RXFP1: variants seen among roughly 807,000 people sequenced by gnomAD.
The protein encoded by RXFP1 is relaxin receptor 1.
Under a neutral mutation model 89.8 loss-of-function variants are expected in RXFP1, and 73 were observed. The ratio of observed to expected loss-of-function variants is 0.81; its 90% CI spans 0.67 to 0.99. RXFP1 has a LOEUF of 0.99. RXFP1 is among the 50% of genes least tolerant of loss of function. RXFP1 has a pLI of 0.00. For missense variants in RXFP1, 793 were observed against 895.5 expected, an observed-to-expected ratio of 0.89 and a Z score of 1.46; for synonymous variants, 277 against 305.5, an observed-to-expected ratio of 0.91 and a Z score of 0.97.
intron 2 of RXFP1, among the ~76,000 whole-genome samples, chr4:158,591,091 C>T (rs1435306221): frequency 5.9e-5 from 9 of 152,104 alleles, no homozygotes; most frequent in Admixed American, 1.3e-4. Flanking sequence ...CACAAGAGTG[C>T]GTCCAATTGG....
chr4:158,590,128 T>C (rs1414983551), intron 2 of RXFP1, among the ~76,000 whole-genome samples: 2 of 152,030 alleles, frequency 1.3e-5, no homozygotes, highest in African/African-American at 2.4e-5. Flanking sequence ...TAGGATCAGA[T>C]TCTATATAAT....
intron 1 of RXFP1, among the ~76,000 whole-genome samples, chr4:158,566,829 C>T (rs1005774328): frequency 3.9e-5 from 6 of 152,240 alleles, no homozygotes; most frequent in South Asian, 2.1e-4. Context: ...CTCGCCTTGG[C>T]GCCCATTCTG....
At chr4:158,610,616 A>C (rs1352968389) in intron 6 of RXFP1, 3 of 1,185,562 alleles carry the variant, frequency 2.5e-6, no homozygotes, top group Non-Finnish European at 2.2e-6. Flanking sequence ...GTTCACTGAA[A>C]GGAGTGATTA....
At chr4:158,592,299 C>T (rs781301982) in intron 2 of RXFP1, among the ~76,000 whole-genome samples, 3 of 152,214 alleles carry the variant, frequency 2.0e-5, no homozygotes, top group Non-Finnish European at 4.4e-5. Flanking sequence ...ATCGGCCAGG[C>T]ATGGTGGCTT....
chr4:158,562,244 TA>T (rs1752601162), intron 1 of RXFP1, among the ~76,000 whole-genome samples: 1 of 152,128 alleles, frequency 6.6e-6, no homozygotes, highest in African/African-American at 2.4e-5. Context: ...CTCTATATTC[TA>T]AAATTTATCA....
At chr4:158,600,660 C>T (rs939797093) in intron 4 of RXFP1, among the ~76,000 whole-genome samples, 1 of 151,718 alleles carries the variant, frequency 6.6e-6, no homozygotes, top group Non-Finnish European at 1.5e-5. Flanking sequence ...GAGCCCATCA[C>T]TACAAAAAAA....
intron 6 of RXFP1, among the ~76,000 whole-genome samples, chr4:158,609,440 A>T (rs1296258768): frequency 1.3e-4 from 20 of 152,196 alleles, no homozygotes; most frequent in Admixed American, 1.3e-3. Flanking sequence ...GTTCCGTTTT[A>T]TTGAGTTCTG....
rs188981205 is a variant in RXFP1, at chr4:158,527,358, C to T, written c.49+5333C>T. On this transcript the variant is annotated intron_variant, in intron 1 of 17. Transcript: ENST00000307765. ...AGGAGTTCAAGACCAGCCTGGCCAA[C>T]ATGGCGAAACCCCGTCTCTACTAAA... 1.7e-3 allele frequency among the ~76,000 whole-genome samples: 260 copies of T among 151,626 alleles called. 1 individual carries two copies. The highest frequency in any genetic ancestry group is 5.9e-3 in the African/African-American group (243 of 41,396).
At chr4:158,630,307 G>C (rs1580208351) in intron 11 of RXFP1, among the ~76,000 whole-genome samples, 1 of 152,158 alleles carries the variant, frequency 6.6e-6, no homozygotes, top group South Asian at 2.1e-4. Flanking sequence ...CCAACCATCT[G>C]TTGTAGCAAC....
intron 11 of RXFP1, among the ~76,000 whole-genome samples, chr4:158,631,533 T>C (rs557129365): frequency 1.3e-5 from 2 of 152,292 alleles, no homozygotes; most frequent in African/African-American, 2.4e-5. Context: ...ATATGTGTTA[T>C]ATGTGCTATA....
intron 4 of RXFP1, among the ~76,000 whole-genome samples, chr4:158,599,715 G>T (rs1761322258): frequency 6.6e-6 from 1 of 152,000 alleles, no homozygotes; most frequent in Non-Finnish European, 1.5e-5. Context: ...GTGCTACTAA[G>T]AAAAAATGGC....
chr4:158,591,119 C>T (rs913021301), intron 2 of RXFP1, among the ~76,000 whole-genome samples: 1 of 152,126 alleles, frequency 6.6e-6, no homozygotes, highest in Non-Finnish European at 1.5e-5. Flanking sequence ...TTATCTATAA[C>T]AAGAATCCTG....
chr4:158,616,026 A>G (rs747161785), intron 8 of RXFP1, among the ~76,000 whole-genome samples: 2 of 152,224 alleles, frequency 1.3e-5, no homozygotes, highest in East Asian at 1.9e-4. Context: ...GGCACATGCT[A>G]TTGGAGAAAT....
intron 1 of RXFP1, among the ~76,000 whole-genome samples, chr4:158,571,496 G>A (rs921453111): frequency 3.3e-5 from 5 of 152,034 alleles, no homozygotes; most frequent in Non-Finnish European, 7.4e-5. Context: ...GTAAAACCTC[G>A]TCTCTACTGA....
intron 2 of RXFP1, among the ~76,000 whole-genome samples, chr4:158,576,339 T>C (rs1247020499): frequency 1.3e-5 from 2 of 152,098 alleles, no homozygotes; most frequent in African/African-American, 4.8e-5. Flanking sequence ...AGTGGGAGGA[T>C]TGCTTGAGTC....
At chr4:158,605,835 GA>G (rs1762459172) in intron 5 of RXFP1, among the ~76,000 whole-genome samples, 1 of 152,080 alleles carries the variant, frequency 6.6e-6, no homozygotes, top group Non-Finnish European at 1.5e-5. Context: ...AATATCTCAG[GA>G]TTCATTGTTT....
At chr4:158,592,248 T>C in intron 2 of RXFP1, among the ~76,000 whole-genome samples, 1 of 152,212 alleles carries the variant, frequency 6.6e-6, no homozygotes, top group Non-Finnish European at 1.5e-5. Context: ...GAAAAGAAAT[T>C]AGATCATGCC....
At position 158,521,930 on chromosome 4, in the gene RXFP1, A is replaced by C; in HGVS notation, c.-47A>C. On this transcript the variant is annotated 5_prime_UTR_variant, in exon 1 of 18. Transcript: ENST00000307765. ...AGCTGTATGCGATTCAGAAACCAAG[A>C]CCAAATTTTGCTCACTTTCATTAAT... 7.0e-7 allele frequency: 1 copy of C among 1,431,384 alleles called. No homozygotes were observed. Among genetic ancestry groups the C allele is most frequent in the Non-Finnish European group, 9.8e-7 (1 of 1,019,332 alleles). The allele number at this position is 1,431,384 out of a possible 1,614,324, so 88.7% of individuals were successfully genotyped here.
intron 12 of RXFP1, among the ~76,000 whole-genome samples, chr4:158,635,989 A>G (rs1157910764): frequency 6.6e-6 from 1 of 152,064 alleles, no homozygotes; most frequent in Non-Finnish European, 1.5e-5. Flanking sequence ...CACCACACCC[A>G]GTCTAAATAT....
Sources: allele counts gnomAD v4.1 joint callset (sites outside exome capture counted in the v4.1 genomes callset), GRCh38; gene constraint gnomAD v4.1.1; transcripts MANE v1.5; gene names NCBI Gene and HGNC (gene_info 2026-07-23, HGNC 2026-07-21).